Variants in TIGAR observed in about 807,000 individuals in gnomAD.
TIGAR encodes TP53 induced glycolysis regulatory phosphatase, also known as fructose-2,6-bisphosphatase TIGAR.
A neutral mutation model predicts 17.9 loss-of-function variants in TIGAR; 7 were observed. That is an observed-to-expected ratio of 0.39 (90% confidence interval 0.22 to 0.73). TIGAR has a LOEUF of 0.73. Ranked by LOEUF, TIGAR falls within the 30% of genes least tolerant of loss-of-function variation. The pLI, the probability that TIGAR is intolerant of heterozygous loss-of-function variation, is 0.42. For missense variants in TIGAR, 258 were observed against 327.4 expected (o/e 0.79, Z 1.64); for synonymous variants, 94 against 108.6 (o/e 0.87, Z 0.84).
At chr12:4,346,774 A>G in intron 3 of TIGAR, among the ~76,000 whole-genome samples, 1 of 152,298 alleles carries the variant, frequency 6.6e-6, no homozygotes, top group East Asian at 1.9e-4. Context: ...ATATTAAAAA[A>G]AAATGACAAA....
At chr12:4,325,524 T>G (rs533970730) in intron 1 of TIGAR, among the ~76,000 whole-genome samples, 55 of 151,974 alleles carry the variant, frequency 3.6e-4, no homozygotes, top group Admixed American at 5.2e-4. Context: ...GTGGATCACC[T>G]GAGGCCGGGA....
At chr12:4,346,425 A>G (rs982633869) in intron 3 of TIGAR, among the ~76,000 whole-genome samples, 1 of 152,254 alleles carries the variant, frequency 6.6e-6, no homozygotes, top group African/African-American at 2.4e-5. Flanking sequence ...CTATGCAGCC[A>G]TAAAAAAGGA....
In TIGAR at chr12:4,356,321, T is replaced by C. The variant is rs1261584802; in HGVS notation, c.*3630T>C. ...CTCCCATCTGTGAATGTCATAGATCTCTCATTTTGCCTGAGTCTTTTATGC... is the reference window on the plus strand; with the variant it reads ...CTCCCATCTGTGAATGTCATAGATCCCTCATTTTGCCTGAGTCTTTTATGC... On this transcript the variant is annotated 3_prime_UTR_variant, in exon 6 of 6. Coordinates refer to ENST00000179259, the MANE Select transcript of TIGAR (RefSeq NM_020375.3). Among the ~76,000 whole-genome samples, 1 of 152,216 alleles carries C rather than the reference T, an allele frequency of 6.6e-6. No homozygotes were observed. The highest frequency in any genetic ancestry group is 1.5e-5 in the Non-Finnish European group (1 of 68,050).
At chr12:4,351,143 A>G in intron 4 of TIGAR, 124 bp from the exon 5 acceptor site, 1 of 797,042 alleles carries the variant, frequency 1.3e-6, no homozygotes, top group Non-Finnish European at 2.1e-6. Context: ...AGGAGATAGA[A>G]TCAATTAAGT....
chr12:4,358,725 C>CT lies in TIGAR; in HGVS notation c.*6047dup, dbSNP rs201324724. ...AATTATTTTGTTGATGTACCTGTGG[C>CT]TTTTTTTTTTTTTCTGAATCAAGAA... On this transcript the variant is annotated 3_prime_UTR_variant, in exon 6 of 6. Transcript: ENST00000179259. 0.039 allele frequency among the ~76,000 whole-genome samples: 5,574 copies of CT among 141,634 alleles called. 344 individuals are homozygous for CT. The highest frequency in any genetic ancestry group is 0.26 in the East Asian group (1,271 of 4,966). 92.9% of individuals were successfully genotyped at this position (141,634 alleles called of 152,430 possible).
chr12:4,340,450 A>G (rs932933208), intron 3 of TIGAR, among the ~76,000 whole-genome samples: 4 of 152,232 alleles, frequency 2.6e-5, no homozygotes, highest in African/African-American at 9.6e-5. Context: ...AGAAGAGTCA[A>G]TATTGTTAAA....
intron 1 of TIGAR, among the ~76,000 whole-genome samples, chr12:4,330,286 A>G (rs766752520): frequency 3.8e-4 from 58 of 152,264 alleles, no homozygotes; most frequent in Non-Finnish European, 6.6e-4. Flanking sequence ...TTAAAATTAA[A>G]GTGAGATGAA....
chr12:4,351,156 A>G (rs567758878), intron 4 of TIGAR, 111 bp from the exon 5 acceptor site: 45 of 895,206 alleles, frequency 5.0e-5, no homozygotes, highest in Non-Finnish European at 7.8e-5. Context: ...AATTAAGTGG[A>G]GGAGAGTTAG....
Position 4,346,488 on chromosome 12 carries a change from A to G in TIGAR, c.193-3331A>G, listed in dbSNP as rs566986433. 9.2e-5 allele frequency among the ~76,000 whole-genome samples: 14 copies of G among 152,308 alleles called. No individual in the cohort carries two copies. In the South Asian group the frequency reaches 2.9e-3, roughly 32 times the overall value. On this transcript the variant is annotated intron_variant, in intron 3 of 5. Transcript: ENST00000179259. ...GATGAAGCTGGAAACCATCATTCTC[A>G]GCAAACCATGGCAAGGACAAAAAAC...
intron 2 of TIGAR, among the ~76,000 whole-genome samples, chr12:4,331,774 G>T (rs1864605961): frequency 6.6e-6 from 1 of 152,150 alleles, no homozygotes; most frequent in African/African-American, 2.4e-5. Context: ...ATTCTGAAGA[G>T]ATTCTTTCTC....
chr12:4,334,143 C>A (rs928877132), intron 2 of TIGAR, among the ~76,000 whole-genome samples: 3 of 152,100 alleles, frequency 2.0e-5, no homozygotes, highest in African/African-American at 7.2e-5. Context: ...AAAATTCTTA[C>A]CCTCATACCT....
chr12:4,344,837 C>T (rs1376176747), intron 3 of TIGAR, among the ~76,000 whole-genome samples: 4 of 152,174 alleles, frequency 2.6e-5, no homozygotes, highest in African/African-American at 9.7e-5. Flanking sequence ...TCCCTGTTTG[C>T]AGATGACATG....
rs199840929 is a variant in TIGAR, at chr12:4,338,975, C to CAAAAAAAAAAAAA, written c.192+1816_192+1817insAAAAAAAAAAAAA. On this transcript the variant is annotated intron_variant, in intron 3 of 5. Coordinates refer to ENST00000179259, the MANE Select transcript of TIGAR (RefSeq NM_020375.3). ...TGGGCAACAAAGCAAAACTTTGTCT[C>CAAAAAAAAAAAAA]ACAAAAAAAAAAAAAAAAAAAAAGA... Among the ~76,000 whole-genome samples the CAAAAAAAAAAAAA allele has an allele frequency of 2.5e-3, 94 of 38,170 alleles. 15 individuals carry two copies. Among genetic ancestry groups the CAAAAAAAAAAAAA allele is most frequent in the East Asian group, 0.013 (13 of 1,040 alleles). 25.0% of individuals were successfully genotyped at this position (38,170 alleles called of 152,430 possible).
chr12:4,328,601 G>A (rs1444858146), intron 1 of TIGAR, among the ~76,000 whole-genome samples: 1 of 146,532 alleles, frequency 6.8e-6, no homozygotes, highest in Non-Finnish European at 1.5e-5. Flanking sequence ...TTTGGAGACA[G>A]AGTCTTGCTC....
chr12:4,352,716 C>A lies in TIGAR; in HGVS notation c.*25C>A. ...AGGTTAAATCTGCATCAAAATCTAACCATTTTGAGCCTCTGAAGGGAGTGC... is the reference window on the plus strand; with the variant it reads ...AGGTTAAATCTGCATCAAAATCTAAACATTTTGAGCCTCTGAAGGGAGTGC... On this transcript the variant is annotated 3_prime_UTR_variant, in exon 6 of 6. Transcript: ENST00000179259. 1 of 1,578,642 alleles carries A rather than the reference C, an allele frequency of 6.3e-7. No homozygotes were observed. Among genetic ancestry groups the A allele is most frequent in the Non-Finnish European group, 8.6e-7 (1 of 1,166,730 alleles).
rs1406247694 is a variant in TIGAR, at chr12:4,351,263, T to C, written c.271-4T>C. 1.9e-6 allele frequency: 3 copies of C among 1,613,702 alleles called. No individual in the cohort carries two copies. Among genetic ancestry groups the C allele is most frequent in the Non-Finnish European group, 2.5e-6 (3 of 1,179,812 alleles). On this transcript the variant is annotated splice_region_variant and splice_polypyrimidine_tract_variant and intron_variant, in intron 4 of 5. Coordinates refer to ENST00000179259, the MANE Select transcript of TIGAR (RefSeq NM_020375.3). ...AGAAACTGTTATCTATTGGACTGTT[T>C]CAGAAATACGGGGTTGTAGAAGGCA...
In TIGAR at chr12:4,359,036, T is replaced by C. The variant is rs1864945012; in HGVS notation, c.*6345T>C. On this transcript the variant is annotated 3_prime_UTR_variant, in exon 6 of 6. Coordinates refer to ENST00000179259, the MANE Select transcript of TIGAR (RefSeq NM_020375.3). ...TCATGTCAGGAGGGACAGGACGTTG[T>C]ATCAATATGTCTGGTTCCTCATTAA... Among the ~76,000 whole-genome samples the C allele has an allele frequency of 6.6e-6, 1 of 152,196 alleles. No individual in the cohort carries two copies. The highest frequency in any genetic ancestry group is 1.5e-5 in the Non-Finnish European group (1 of 68,018).
chr12:4,335,962 A>T (rs1196974144), intron 2 of TIGAR, among the ~76,000 whole-genome samples: 1 of 152,210 alleles, frequency 6.6e-6, no homozygotes, highest in Non-Finnish European at 1.5e-5. Context: ...CTTATTTTTG[A>T]TGCTTACTGT....
At chr12:4,344,476 A>G (rs954411840) in intron 3 of TIGAR, among the ~76,000 whole-genome samples, 3 of 152,260 alleles carry the variant, frequency 2.0e-5, no homozygotes, top group Non-Finnish European at 4.4e-5. Flanking sequence ...AAAATCCTCA[A>G]TAAAATACTG....
Sources: allele counts gnomAD v4.1 joint callset (sites outside exome capture counted in the v4.1 genomes callset), GRCh38; gene constraint gnomAD v4.1.1; transcripts MANE v1.5; gene names NCBI Gene and HGNC (gene_info 2026-07-23, HGNC 2026-07-21).